PTPRD: variants seen among roughly 807,000 people sequenced by gnomAD.
The protein encoded by PTPRD is receptor-type tyrosine-protein phosphatase delta.
Under a neutral mutation model 214.5 loss-of-function variants are expected in PTPRD, and 34 were observed. That is an observed-to-expected ratio of 0.16 (90% CI 0.12 to 0.21). The LOEUF (loss-of-function observed/expected upper bound fraction) is 0.21. PTPRD is among the 10% of genes least tolerant of loss of function. The probability of loss-of-function intolerance (pLI) is 1.00; values close to 1 mark genes in which losing one functional copy is unlikely to be tolerated. For missense variants in PTPRD, 2,545 were observed against 2,398.7 expected, an observed-to-expected ratio of 1.06 and a Z score of -1.27; for synonymous variants, 1,128 against 845.7, an observed-to-expected ratio of 1.33 and a Z score of -5.79.
chr9:9,159,271 T>C (rs1031516656), intron 10 of PTPRD, among the ~76,000 whole-genome samples: 4 of 151,886 alleles, frequency 2.6e-5, no homozygotes, highest in Non-Finnish European at 5.9e-5. Flanking sequence ...AAATAGGAAA[T>C]GAAGAATAGA....
intron 11 of PTPRD, among the ~76,000 whole-genome samples, chr9:8,928,458 G>C (rs901790759): frequency 1.3e-4 from 20 of 152,212 alleles, no homozygotes; most frequent in African/African-American, 4.6e-4. Context: ...ATTAAACAGG[G>C]AATCCTTTCC....
rs557440378 is a variant in PTPRD at position 8,424,785 on chromosome 9, G to A, written c.4086+11807C>T. Among the ~76,000 whole-genome samples, 561 of 152,240 alleles carry A rather than the reference G, an allele frequency of 3.7e-3. 6 individuals are homozygous for A. Among genetic ancestry groups the A allele is most frequent in the Middle Eastern group, 0.02 (6 of 294 alleles). On this transcript the variant is annotated intron_variant, in intron 35 of 45. Coordinates refer to ENST00000381196, the MANE Select transcript of PTPRD (RefSeq NM_002839.4). ...AACAAATTAAATCAGGGGTGTCTGT[G>A]AGCCACTGGTTGAAGTTTAGAGGAC...
chr9:9,161,076 G>A (rs1470936570), intron 10 of PTPRD, among the ~76,000 whole-genome samples: 1 of 152,080 alleles, frequency 6.6e-6, no homozygotes, highest in African/African-American at 2.4e-5. Flanking sequence ...AAGTGCTGTT[G>A]GTCAAGGGAT....
intron 10 of PTPRD, among the ~76,000 whole-genome samples, chr9:9,062,249 A>G (rs548163232): frequency 6.6e-6 from 1 of 152,332 alleles, no homozygotes; most frequent in East Asian, 1.9e-4. Flanking sequence ...TTTGACCTTC[A>G]TTTTAATAAC....
intron 8 of PTPRD, among the ~76,000 whole-genome samples, chr9:9,437,476 A>G (rs1246266460): frequency 1.3e-5 from 2 of 151,990 alleles, no homozygotes; most frequent in African/African-American, 4.8e-5. Context: ...AGGGTCTGAG[A>G]CTGTTGCGAT....
chr9:8,671,915 G>T (rs2097296174), intron 12 of PTPRD, among the ~76,000 whole-genome samples: 1 of 152,108 alleles, frequency 6.6e-6, no homozygotes, highest in Non-Finnish European at 1.5e-5. Flanking sequence ...GTAACTAAAT[G>T]TTGGAAAAGA....
intron 7 of PTPRD, among the ~76,000 whole-genome samples, chr9:9,577,052 G>A (rs914798926): frequency 1.3e-5 from 2 of 152,064 alleles, no homozygotes; most frequent in African/African-American, 4.8e-5. Flanking sequence ...CAGATATGTT[G>A]GGTATGTAGA....
At chr9:9,096,613 G>C (rs1365630884) in intron 10 of PTPRD, among the ~76,000 whole-genome samples, 1 of 151,966 alleles carries the variant, frequency 6.6e-6, no homozygotes, top group Non-Finnish European at 1.5e-5. Context: ...TAATTTCAAG[G>C]TTACATAGAG....
chr9:9,425,377 A>T (rs62532949), intron 8 of PTPRD, among the ~76,000 whole-genome samples: 7 of 93,978 alleles, frequency 7.4e-5, no homozygotes, highest in Non-Finnish European at 1.5e-4. Context: ...TATATATTAT[A>T]ATATCTTATA....
At chr9:8,969,862 A>T (rs190271286) in intron 11 of PTPRD, among the ~76,000 whole-genome samples, 15 of 152,160 alleles carry the variant, frequency 9.9e-5, no homozygotes, top group Admixed American at 9.8e-4. Flanking sequence ...TTACATTCTA[A>T]AGCAGGAGAT....
At chr9:8,994,227 T>C (rs1196590216) in intron 11 of PTPRD, among the ~76,000 whole-genome samples, 1 of 152,134 alleles carries the variant, frequency 6.6e-6, no homozygotes, top group Non-Finnish European at 1.5e-5. Flanking sequence ...TTGCTTAATT[T>C]GACTTTGCAT....
At position 10,098,783 on chromosome 9, in the gene PTPRD, A is replaced by T. The variant is rs77685647; in HGVS notation, c.-544-64993T>A. ...TATGGATGAAGAAACTGCACATAAA[A>T]CCAGTTGAATGGCAAAGACATGCAG... On this transcript the variant is annotated intron_variant, in intron 3 of 45. Transcript: ENST00000381196. Among the ~76,000 whole-genome samples the T allele has an allele frequency of 8.7e-3, 1,317 of 151,854 alleles. 29 individuals are homozygous for T. Among genetic ancestry groups the T allele is most frequent in the African/African-American group, 0.03 (1,251 of 41,482 alleles).
intron 2 of PTPRD, among the ~76,000 whole-genome samples, chr9:10,449,482 C>A (rs1053400712): frequency 6.6e-6 from 1 of 150,934 alleles, no homozygotes; most frequent in African/African-American, 2.5e-5. Context: ...AGTGAGGAGC[C>A]TCTCTGCCTG....
At chr9:9,528,663 G>C (rs2074724889) in intron 8 of PTPRD, among the ~76,000 whole-genome samples, 1 of 152,028 alleles carries the variant, frequency 6.6e-6, no homozygotes, top group Admixed American at 6.5e-5. Context: ...AAGAAGTATT[G>C]TAATGGAACT....
intron 2 of PTPRD, among the ~76,000 whole-genome samples, chr9:10,342,010 A>G (rs904542729): frequency 2.0e-5 from 3 of 152,048 alleles, no homozygotes; most frequent in Non-Finnish European, 4.4e-5. Flanking sequence ...CTGTGGCTTA[A>G]GTGTATGCTA....
At position 10,599,190 on chromosome 9, in the gene PTPRD, T is replaced by C. The variant is rs144407682; in HGVS notation, c.-600+13208A>G. On this transcript the variant is annotated intron_variant, in intron 2 of 45. Transcript: ENST00000381196. ...TTCCCTAGGTGATGATCGAGCAATGTGATGGCAGAAACCTGTATCTACGAA... is the reference window on the plus strand; with the variant it reads ...TTCCCTAGGTGATGATCGAGCAATGCGATGGCAGAAACCTGTATCTACGAA... 2.7e-3 allele frequency among the ~76,000 whole-genome samples: 407 copies of C among 151,814 alleles called. 3 individuals carry two copies. Among genetic ancestry groups the C allele is most frequent in the African/African-American group, 9.1e-3 (378 of 41,484 alleles).
intron 39 of PTPRD, among the ~76,000 whole-genome samples, chr9:8,367,913 C>T (rs2080379900): frequency 6.6e-6 from 1 of 152,122 alleles, no homozygotes; most frequent in African/African-American, 2.4e-5. Context: ...CCACTATTAT[C>T]CCCACGTTAC....
chr9:9,682,299 T>C (rs536053166), intron 7 of PTPRD, among the ~76,000 whole-genome samples: 48 of 151,888 alleles, frequency 3.2e-4, no homozygotes, highest in African/African-American at 1.2e-3. Flanking sequence ...TTATATTGGA[T>C]CCTCTTTCCC....
chr9:8,431,314 AG>A (rs1252575727), intron 35 of PTPRD, among the ~76,000 whole-genome samples: 1 of 152,200 alleles, frequency 6.6e-6, no homozygotes, highest in East Asian at 1.9e-4. Context: ...GGCTTGTATA[AG>A]GGGAAGAATA....
Sources: allele counts gnomAD v4.1 joint callset (sites outside exome capture counted in the v4.1 genomes callset), GRCh38; gene constraint gnomAD v4.1.1; transcripts MANE v1.5; gene names NCBI Gene and HGNC (gene_info 2026-07-23, HGNC 2026-07-21).